The following HDAC9 variants were observed in gnomAD, a reference collection of about 807,000 sequenced individuals.
HDAC9 encodes MEF-2 interacting transcription repressor (MITR) protein.
A neutral mutation model predicts 139.4 loss-of-function variants in HDAC9; 41 were observed. The observed-to-expected ratio is 0.29, with a 90% confidence interval of 0.23 to 0.38. The LOEUF is 0.38. HDAC9 is among the 10% of genes least tolerant of loss of function. HDAC9 has a pLI of 1.00. For missense variants in HDAC9, 1,147 were observed against 1,297.0 expected, an observed-to-expected ratio of 0.88 and a Z score of 1.78; for synonymous variants, 517 against 476.2, an observed-to-expected ratio of 1.09 and a Z score of -1.12.
intron 12 of HDAC9, among the ~76,000 whole-genome samples, chr7:18,708,991 G>A (rs1784146376): frequency 6.6e-6 from 1 of 151,416 alleles, no homozygotes; most frequent in Non-Finnish European, 1.5e-5. Flanking sequence ...TCATACATAT[G>A]ACTTGAAATA....
chr7:18,495,086 T>C (rs2128137886), upstream of HDAC9, among the ~76,000 whole-genome samples: 1 of 152,220 alleles, frequency 6.6e-6, no homozygotes, highest in East Asian at 1.9e-4. Context: ...AAGCCTGTCC[T>C]TCATAAAAAT....
chr7:18,403,985 T>G (rs1787778181), intron 1 of HDAC9, among the ~76,000 whole-genome samples: 1 of 152,130 alleles, frequency 6.6e-6, no homozygotes, highest in African/African-American at 2.4e-5. Context: ...GGGCGAGACC[T>G]TGTAGGCAGC....
intron 2 of HDAC9, among the ~76,000 whole-genome samples, chr7:18,176,390 G>A (rs1049957865): frequency 2.7e-4 from 41 of 152,168 alleles, no homozygotes; most frequent in Non-Finnish European, 3.2e-4. Flanking sequence ...AGTCATTGTA[G>A]TTACTTGTTT....
At chr7:18,929,904 A>T (rs1486181462) in intron 22 of HDAC9, among the ~76,000 whole-genome samples, 1 of 151,840 alleles carries the variant, frequency 6.6e-6, no homozygotes, top group Non-Finnish European at 1.5e-5. Context: ...ACGCCACTGC[A>T]CTCTAGCCCA....
intron 1 of HDAC9, among the ~76,000 whole-genome samples, chr7:18,091,343 C>T (rs1211484669): frequency 1.3e-5 from 2 of 152,134 alleles, no homozygotes; most frequent in Non-Finnish European, 2.9e-5. Flanking sequence ...GCTTGAGGAG[C>T]ATTGAGGTTG....
At chr7:18,860,325 T>C (rs1456952348) in intron 21 of HDAC9, among the ~76,000 whole-genome samples, 1 of 152,140 alleles carries the variant, frequency 6.6e-6, no homozygotes, top group Non-Finnish European at 1.5e-5. Context: ...AATTCTCTGC[T>C]ATGTAAGTTT....
chr7:18,869,150 GTGTGT>G (rs1798720108), intron 21 of HDAC9, among the ~76,000 whole-genome samples: 3 of 67,770 alleles, frequency 4.4e-5, no homozygotes, highest in East Asian at 1.3e-3. Context: ...CAATTGGGGT[GTGTGT>G]GTGTGTGTGT....
At chr7:18,897,202 A>G (rs1801279654) in intron 22 of HDAC9, among the ~76,000 whole-genome samples, 2 of 152,024 alleles carry the variant, frequency 1.3e-5, no homozygotes, top group South Asian at 4.1e-4. Flanking sequence ...TTTCAGAAAT[A>G]GCTTTACTGA....
intron 25 of HDAC9, among the ~76,000 whole-genome samples, chr7:18,979,532 ATAAC>A (rs1784762014): frequency 6.6e-6 from 1 of 152,208 alleles, no homozygotes; most frequent in Non-Finnish European, 1.5e-5. Context: ...GACAACTTAG[ATAAC>A]TAAGTATGTG....
At chr7:18,772,919 T>C (rs1327671854) in intron 16 of HDAC9, among the ~76,000 whole-genome samples, 1 of 152,116 alleles carries the variant, frequency 6.6e-6, no homozygotes, top group African/African-American at 2.4e-5. Context: ...GTTTCCAGTA[T>C]TGCATAGATT....
At chr7:18,531,249 A>G (rs1003706349) in intron 2 of HDAC9, among the ~76,000 whole-genome samples, 1 of 152,112 alleles carries the variant, frequency 6.6e-6, no homozygotes, top group African/African-American at 2.4e-5. Flanking sequence ...TAAGTTGTTG[A>G]GATATGTGTG....
chr7:18,979,768 A>G (rs1468774579), intron 25 of HDAC9, among the ~76,000 whole-genome samples: 1 of 151,978 alleles, frequency 6.6e-6, no homozygotes, highest in Non-Finnish European at 1.5e-5. Context: ...CAAGAGAGAG[A>G]GTGGAGGGGA....
intron 22 of HDAC9, among the ~76,000 whole-genome samples, chr7:18,897,760 T>G (rs1801339658): frequency 6.6e-6 from 1 of 151,570 alleles, no homozygotes; most frequent in Non-Finnish European, 1.5e-5. Context: ...TTAAAAGTGG[T>G]TATAAAACAA....
intron 2 of HDAC9, among the ~76,000 whole-genome samples, chr7:18,577,734 T>C (rs1026639645): frequency 2.0e-5 from 3 of 152,038 alleles, no homozygotes; most frequent in Admixed American, 6.6e-5. Context: ...GCAAGAAACA[T>C]AGTGTAAAAG....
At chr7:18,801,007 CTAG>C (rs1172506029) in intron 17 of HDAC9, among the ~76,000 whole-genome samples, 2 of 152,066 alleles carry the variant, frequency 1.3e-5, no homozygotes, top group Non-Finnish European at 2.9e-5. Flanking sequence ...TATTGCAAAA[CTAG>C]TAACAATTTA....
At chr7:18,718,420 A>G (rs920440176) in intron 12 of HDAC9, among the ~76,000 whole-genome samples, 20 of 151,702 alleles carry the variant, frequency 1.3e-4, no homozygotes, top group African/African-American at 4.8e-4. Flanking sequence ...TTTAGTAGAG[A>G]CGGGGTTTCA....
intron 16 of HDAC9, among the ~76,000 whole-genome samples, chr7:18,781,144 A>G (rs887078593): frequency 6.6e-6 from 1 of 151,908 alleles, no homozygotes; most frequent in African/African-American, 2.4e-5. Flanking sequence ...TCTTATAAGG[A>G]CATCAGTCAT....
chr7:18,794,281 T>C (rs1246062003), intron 17 of HDAC9, among the ~76,000 whole-genome samples: 1 of 151,750 alleles, frequency 6.6e-6, no homozygotes, highest in East Asian at 1.9e-4. Flanking sequence ...GGAAATATAT[T>C]ATGACCAATA....
intron 3 of HDAC9, among the ~76,000 whole-genome samples, chr7:18,588,579 G>A (rs904353731): frequency 2.0e-5 from 3 of 152,176 alleles, no homozygotes; most frequent in African/African-American, 7.2e-5. Context: ...AGGTGTCATT[G>A]TCTCAGCCAC....
Sources: allele counts gnomAD v4.1 joint callset (sites outside exome capture counted in the v4.1 genomes callset), GRCh38; gene constraint gnomAD v4.1.1; transcripts MANE v1.5; gene names NCBI Gene and HGNC (gene_info 2026-07-23, HGNC 2026-07-21).